Variants in ADAM12 observed in about 807,000 individuals in gnomAD.
ADAM12 encodes the protein ADAM metallopeptidase domain 12.
Under a neutral mutation model 106.4 loss-of-function variants are expected in ADAM12, and 70 were observed. The ratio of observed to expected loss-of-function variants is 0.66; its 90% CI spans 0.54 to 0.80. ADAM12 has a LOEUF of 0.80. ADAM12 is among the 30% of genes least tolerant of loss of function. The probability of loss-of-function intolerance (pLI) is 0.00; values close to 1 mark genes in which losing one functional copy is unlikely to be tolerated. For synonymous variants in ADAM12, 420 were observed against 433.5 expected (o/e 0.97, Z 0.39); for missense variants, 1,010 against 1,171.9 (o/e 0.86, Z 2.02).
chr10:126,056,134 TTCTG>T (rs1346411912), intron 14 of ADAM12, among the ~76,000 whole-genome samples: 3 of 152,202 alleles, frequency 2.0e-5, no homozygotes, highest in Non-Finnish European at 4.4e-5. Context: ...AAGGTTAACT[TTCTG>T]TCTACCTCCA....
In ADAM12 at chr10:126,049,382, A is replaced by G. The variant is rs1954413344; in HGVS notation, c.1788T>C (p.Val596=). The change falls in exon 16 of 23, where the codon GTT becomes GTC. Residue 596 remains valine (V), a synonymous_variant. Transcript: ENST00000448723. This position sits in a 1 kb window ranked among gnomAD's most constrained non-coding sequence, Gnocchi z 4.4. ...ASRPVIGTNA[V]SIETNIPLQQ... is the part of the protein sequence containing the mutation. ...GCAGGGGGATGTTTGTTTCTATGGA[A>G]ACGGCATTGGTACCAATGACTGGCC... 6.2e-7 allele frequency: 1 copy of G among 1,614,074 alleles called. No homozygotes were observed. Among genetic ancestry groups the G allele is most frequent in the African/African-American group, 1.3e-5 (1 of 74,922 alleles).
intron 3 of ADAM12, among the ~76,000 whole-genome samples, chr10:126,206,487 C>A (rs1377309316): frequency 1.3e-5 from 2 of 152,126 alleles, no homozygotes; most frequent in East Asian, 3.9e-4. Context: ...TCATAATATC[C>A]CATGAGCAAA....
intron 8 of ADAM12, among the ~76,000 whole-genome samples, chr10:126,105,141 A>C (rs1955740804): frequency 6.6e-6 from 1 of 152,212 alleles, no homozygotes; most frequent in Non-Finnish European, 1.5e-5. Context: ...CCAGGCCGGC[A>C]AACTCCACGG....
rs148477714 is a variant in ADAM12, at chr10:126,325,697, G to A, written c.186+4715C>T. On this transcript the variant is annotated intron_variant, in intron 2 of 22. Coordinates refer to ENST00000448723, the MANE Select transcript of ADAM12 (RefSeq NM_001288973.2). ...CCGAGCTCAAGTGAGGTCATCTCACGATCAATCACATTTTGACATGTCTTC... is the reference window on the plus strand; with the variant it reads ...CCGAGCTCAAGTGAGGTCATCTCACAATCAATCACATTTTGACATGTCTTC... Among the ~76,000 whole-genome samples the A allele has an allele frequency of 2.0e-4, 31 of 152,212 alleles. No individual in the cohort carries two copies. In the South Asian group the frequency reaches 4.2e-3, roughly 20 times the overall value.
intron 3 of ADAM12, among the ~76,000 whole-genome samples, chr10:126,250,483 G>A (rs879743085): frequency 3.9e-5 from 6 of 152,222 alleles, no homozygotes; most frequent in South Asian, 2.1e-4. Context: ...CTCGTTTATC[G>A]TATCTTAAGT....
At chr10:126,326,628 C>G (rs1446107935) in intron 2 of ADAM12, among the ~76,000 whole-genome samples, 1 of 152,142 alleles carries the variant, frequency 6.6e-6, no homozygotes, top group Non-Finnish European at 1.5e-5. Flanking sequence ...CATTCAGGGC[C>G]CTACACTGCA....
At chr10:126,091,782 G>T (rs74159804) in intron 11 of ADAM12, among the ~76,000 whole-genome samples, 10,107 of 152,224 alleles carry the variant, frequency 0.066, 745 homozygotes, top group African/African-American at 0.17. Context: ...AATATGCCTT[G>T]CTATTGTGCC....
chr10:126,337,391 T>C lies in ADAM12; in HGVS notation c.89-6882A>G, dbSNP rs141426306. On this transcript the variant is annotated intron_variant, in intron 1 of 22. Coordinates refer to ENST00000448723, the MANE Select transcript of ADAM12 (RefSeq NM_001288973.2). ...CTTCCTCTTCCTGCTTTGAAGTCAC[T>C]GGTGCAAGTCCCAGAGTCCAAAGGT... Among the ~76,000 whole-genome samples, 21 of 152,332 alleles carry C rather than the reference T, an allele frequency of 1.4e-4. No homozygotes were observed. The East Asian group carries it at 3.9e-3, about 28-fold the overall frequency.
At chr10:126,311,082 CATACACACAA>C (rs1251744454) in intron 2 of ADAM12, among the ~76,000 whole-genome samples, 1 of 131,478 alleles carries the variant, frequency 7.6e-6, no homozygotes, top group Non-Finnish European at 1.6e-5. Context: ...CCTCATTATA[CATACACACAA>C]ATACACACAC....
chr10:126,094,191 C>A (rs984710074), intron 10 of ADAM12, 58 bp from the exon 11 acceptor site: 10 of 1,531,900 alleles, frequency 6.5e-6, no homozygotes, highest in African/African-American at 4.1e-5. Context: ...CCTTATTTCC[C>A]AGGTCTCCCT....
At chr10:126,317,391 G>A (rs977171759) in intron 2 of ADAM12, among the ~76,000 whole-genome samples, 1 of 152,154 alleles carries the variant, frequency 6.6e-6, no homozygotes, top group Non-Finnish European at 1.5e-5. Context: ...AAATTAGTAG[G>A]TTCAAGCAAA....
At chr10:126,031,063 T>C (rs17154070) in intron 21 of ADAM12, among the ~76,000 whole-genome samples, 1,961 of 152,124 alleles carry the variant, frequency 0.013, 19 homozygotes, top group Non-Finnish European at 0.021. Context: ...CGGCAGCAGG[T>C]GATCAGAGGT....
Position 126,187,327 on chromosome 10 carries a change from A to T in ADAM12, c.261-32022T>A, listed in dbSNP as rs531941673. Among the ~76,000 whole-genome samples the T allele has an allele frequency of 2.2e-4, 15 of 67,292 alleles. 1 individual carries two copies. The South Asian group carries it at 2.5e-3, about 11-fold the overall frequency. 44.1% of individuals were successfully genotyped at this position (67,292 alleles called of 152,430 possible). On this transcript the variant is annotated intron_variant, in intron 3 of 22. Transcript: ENST00000448723. ...TCCCCAACTGTGAAGGAAATGAAAT[A>T]AAAAAAAAACAAATTTAATGTTGCA...
intron 14 of ADAM12, among the ~76,000 whole-genome samples, chr10:126,057,951 A>T (rs1336513362): frequency 6.6e-6 from 1 of 152,220 alleles, no homozygotes; most frequent in Non-Finnish European, 1.5e-5. Flanking sequence ...AGGTATGCAC[A>T]TAAGATTGAA....
intron 2 of ADAM12, among the ~76,000 whole-genome samples, chr10:126,297,922 A>T (rs1006121627): frequency 5.9e-5 from 9 of 152,178 alleles, no homozygotes; most frequent in African/African-American, 1.9e-4. Context: ...GGCAAGGAAG[A>T]CAAAATCCAG....
chr10:126,122,671 G>A (rs1344070312), intron 5 of ADAM12, among the ~76,000 whole-genome samples: 1 of 152,130 alleles, frequency 6.6e-6, no homozygotes, highest in Non-Finnish European at 1.5e-5. Context: ...TGATGTGGGA[G>A]AATCGCTTGA....
chr10:126,261,306 C>T (rs527624719), intron 3 of ADAM12, among the ~76,000 whole-genome samples: 4 of 152,212 alleles, frequency 2.6e-5, no homozygotes, highest in Admixed American at 6.5e-5. Context: ...ATTGAAACAA[C>T]GAACGGGCTG....
intron 1 of ADAM12, among the ~76,000 whole-genome samples, chr10:126,344,340 T>C (rs1855055138): frequency 6.6e-6 from 1 of 152,276 alleles, no homozygotes; most frequent in African/African-American, 2.4e-5. Context: ...TGTAGATGTG[T>C]GGTATTATTT....
rs11244781 is a variant in ADAM12 at position 126,043,660 on chromosome 10, C to T, written c.1996-512G>A. ...AGGCTGGGGTCCGAGGCAGGCCCCC[C>T]GTTTCCTGAGCAAAGGAATCCTGTT... On this transcript the variant is annotated intron_variant, in intron 17 of 22. Transcript: ENST00000448723. The surrounding 1 kb of genome is among the most constrained non-coding windows in gnomAD (Gnocchi z 4.1). 0.25 allele frequency among the ~76,000 whole-genome samples: 38,110 copies of T among 152,030 alleles called. 5,524 individuals are homozygous for T. Among genetic ancestry groups the T allele is most frequent in the East Asian group, 0.64 (3,303 of 5,130 alleles).
Sources: allele counts gnomAD v4.1 joint callset (sites outside exome capture counted in the v4.1 genomes callset), GRCh38; gene constraint gnomAD v4.1.1; non-coding constraint Gnocchi (gnomAD v3.1); transcripts MANE v1.5; gene names NCBI Gene and HGNC (gene_info 2026-07-23, HGNC 2026-07-21).